Variants in CADM3 observed in about 807,000 individuals in gnomAD.
The protein encoded by CADM3 is TSLC1-like 1.
Under a neutral mutation model 44.9 loss-of-function variants are expected in CADM3, and 11 were observed. The observed-to-expected ratio is 0.25, with a 90% confidence interval of 0.15 to 0.41. CADM3 has a LOEUF of 0.41. CADM3 is among the 10% of genes least tolerant of loss of function. The pLI, the probability that CADM3 is intolerant of heterozygous loss-of-function variation, is 1.00. For synonymous variants in CADM3, 207 were observed against 205.2 expected (o/e 1.01, Z -0.08); for missense variants, 426 against 512.0 (o/e 0.83, Z 1.62).
chr1:159,185,563 G>A (rs1448156058), intron 1 of CADM3, among the ~76,000 whole-genome samples: 1 of 152,216 alleles, frequency 6.6e-6, no homozygotes, highest in African/African-American at 2.4e-5. Context: ...TTTAACGTGT[G>A]TGTAATAATA....
At chr1:159,177,509 A>G (rs1167824268) in intron 1 of CADM3, among the ~76,000 whole-genome samples, 1 of 152,078 alleles carries the variant, frequency 6.6e-6, no homozygotes, top group East Asian at 1.9e-4. Context: ...GTTGCTCTCC[A>G]TGGTCCTGTT....
chr1:159,193,885 T>C lies in CADM3; in HGVS notation c.536T>C (p.Ile179Thr). 6 of 1,614,008 alleles carry C rather than the reference T, an allele frequency of 3.7e-6. No homozygotes were observed. Among genetic ancestry groups the C allele is most frequent in the Non-Finnish European group, 5.1e-6 (6 of 1,179,908 alleles). The change falls in exon 5 of 9, where the codon ATA (isoleucine) becomes ACA (threonine). Residue 179 changes from isoleucine to threonine, a missense_variant. Around this residue, in one of 2 missense-constraint regions of CADM3, gnomAD observed 362 missense variants for 474.6 expected, o/e 0.76. Transcript: ENST00000368125. Reference sequence around the variant, plus strand: ...TGCACTCTAGGAGAACCAACCCGCATACAGGAAGATCCCAATGGTAAAACC... The same window carrying C: ...TGCACTCTAGGAGAACCAACCCGCACACAGGAAGATCCCAATGGTAAAACC... ...DQELHGEPTR[I>T]QEDPNGKTFT...
intron 3 of CADM3, among the ~76,000 whole-genome samples, chr1:159,193,070 G>A (rs1304039662): frequency 2.0e-5 from 3 of 152,108 alleles, no homozygotes. Context: ...AAGTACCCCA[G>A]TTGCTTACAT....
intron 1 of CADM3, among the ~76,000 whole-genome samples, chr1:159,190,901 A>G (rs965347663): frequency 1.3e-5 from 2 of 152,252 alleles, no homozygotes; most frequent in Middle Eastern, 3.2e-3. Context: ...TTGTGGATGC[A>G]TTAGAATCAG....
In CADM3 at chr1:159,193,963, C is replaced by A; in HGVS notation, c.614C>A (p.Ala205Glu). ...TFQVTREDDG[A>E]SIVCSVNHES... ...CAGGTTACCCGGGAGGATGATGGGGCGAGCATCGTGTGCTCTGTGAACCAT... is the reference window on the plus strand; with the variant it reads ...CAGGTTACCCGGGAGGATGATGGGGAGAGCATCGTGTGCTCTGTGAACCAT... The change falls in exon 5 of 9, where the codon GCG (alanine) becomes GAG (glutamate). Residue 205 changes from alanine to glutamate, a missense_variant. By Grantham distance (107) the Ala-to-Glu change is moderately radical. Around this residue, in one of 2 missense-constraint regions of CADM3, gnomAD observed 362 missense variants for 474.6 expected, o/e 0.76. Transcript: ENST00000368125. The A allele has an allele frequency of 6.2e-7, 1 of 1,614,134 alleles. No individual in the cohort carries two copies.
intron 1 of CADM3, among the ~76,000 whole-genome samples, chr1:159,181,199 G>C (rs1174488427): frequency 1.3e-5 from 2 of 152,070 alleles, no homozygotes; most frequent in African/African-American, 4.8e-5. Context: ...TTTCCCCCCA[G>C]TTTTATTACA....
intron 1 of CADM3, 82 bp downstream of exon 1, chr1:159,171,935 G>A (rs1648826485): frequency 1.0e-6 from 1 of 954,728 alleles, no homozygotes. Context: ...CGCGGAAGGA[G>A]CCTGTTGGCT....
chr1:159,182,850 C>T (rs1472859104), intron 1 of CADM3, among the ~76,000 whole-genome samples: 2 of 152,110 alleles, frequency 1.3e-5, no homozygotes, highest in Non-Finnish European at 2.9e-5. Flanking sequence ...TAGGGGAAAA[C>T]ATTTGAATTT....
At chr1:159,196,545 T>C in intron 6 of CADM3, 91 bp downstream of exon 6, 1 of 1,005,328 alleles carries the variant, frequency 9.9e-7, no homozygotes, top group Non-Finnish European at 1.5e-6. Flanking sequence ...CTCCTCTGTA[T>C]TGTCTGACCT....
At chr1:159,182,195 G>A (rs958837018) in intron 1 of CADM3, among the ~76,000 whole-genome samples, 1 of 152,092 alleles carries the variant, frequency 6.6e-6, no homozygotes, top group Non-Finnish European at 1.5e-5. Flanking sequence ...GGAACCTGCC[G>A]GTAAAGCCCT....
intron 1 of CADM3, among the ~76,000 whole-genome samples, chr1:159,175,520 G>A (rs1021100472): frequency 2.0e-5 from 3 of 152,184 alleles, no homozygotes; most frequent in Admixed American, 2.0e-4. Context: ...TAACAAATGA[G>A]GAAAACATAT....
At chr1:159,185,295 G>A (rs1489705233) in intron 1 of CADM3, among the ~76,000 whole-genome samples, 2 of 152,152 alleles carry the variant, frequency 1.3e-5, no homozygotes, top group Non-Finnish European at 2.9e-5. Context: ...CTATACTGTC[G>A]TTTTCATCAT....
At chr1:159,194,395 G>A (rs1649805213) in intron 5 of CADM3, 1 of 189,716 alleles carries the variant, frequency 5.3e-6, no homozygotes, top group South Asian at 1.2e-4. Context: ...ATACCAACCC[G>A]TGGTCTAGGC....
intron 1 of CADM3, among the ~76,000 whole-genome samples, chr1:159,172,395 G>A (rs1207060351): frequency 6.6e-6 from 1 of 152,150 alleles, no homozygotes; most frequent in Non-Finnish European, 1.5e-5. Flanking sequence ...GCGCAGCTCC[G>A]AGTGGGCAGA....
intron 1 of CADM3, among the ~76,000 whole-genome samples, chr1:159,184,543 G>A (rs147663215): frequency 2.0e-3 from 299 of 152,284 alleles, no homozygotes; most frequent in Middle Eastern, 6.8e-3. Flanking sequence ...GCCAGCAGCA[G>A]TTATTCAGGA....
intron 7 of CADM3, chr1:159,197,321 C>T (rs1031270094): frequency 7.3e-6 from 3 of 408,406 alleles, no homozygotes; most frequent in East Asian, 8.9e-5. Context: ...ACACCATCTT[C>T]CATCCCCTGC....
At chr1:159,194,939 A>G (rs931924488) in intron 5 of CADM3, 5 of 152,370 alleles carry the variant, frequency 3.3e-5, no homozygotes, top group South Asian at 2.1e-4. Context: ...CTAAAGTCCA[A>G]TGGGAGAAGT....
intron 1 of CADM3, among the ~76,000 whole-genome samples, chr1:159,183,495 G>A (rs1649308867): frequency 6.6e-6 from 1 of 152,150 alleles, no homozygotes; most frequent in African/African-American, 2.4e-5. Flanking sequence ...AGGGTGGATG[G>A]GGCAGTGAGG....
chr1:159,173,421 G>C (rs887491455), intron 1 of CADM3, among the ~76,000 whole-genome samples: 2 of 152,066 alleles, frequency 1.3e-5, no homozygotes, highest in Non-Finnish European at 2.9e-5. Flanking sequence ...CCCTATAGTT[G>C]GCTGGCTGGC....
Sources: allele counts gnomAD v4.1 joint callset (sites outside exome capture counted in the v4.1 genomes callset), GRCh38; gene constraint gnomAD v4.1.1; regional missense constraint gnomAD v4.1.1; transcripts MANE v1.5; gene names NCBI Gene and HGNC (gene_info 2026-07-23, HGNC 2026-07-21).